The following DNAH9 variants were observed in gnomAD, a reference collection of about 807,000 sequenced individuals.
DNAH9 encodes the protein dynein axonemal heavy chain 9, also known as DNAH9 variant protein.
DNAH9 carries 345 observed loss-of-function variants against 471.6 expected under a neutral mutation model. That is an observed-to-expected ratio of 0.73 (90% CI 0.67 to 0.80). DNAH9 has a LOEUF of 0.80. Among genes scored for constraint, DNAH9 ranks in the 30% least tolerant of loss-of-function variants. The pLI is 0.00. For synonymous variants in DNAH9, 2,093 were observed against 2,123.6 expected, an observed-to-expected ratio of 0.99 and a Z score of 0.40; for missense variants, 5,407 against 5,609.2, an observed-to-expected ratio of 0.96 and a Z score of 1.15.
intron 48 of DNAH9, among the ~76,000 whole-genome samples, chr17:11,823,422 CT>C (rs1234677541): frequency 3.9e-5 from 6 of 152,168 alleles, no homozygotes; most frequent in African/African-American, 1.4e-4. Flanking sequence ...TCGTTTTCCT[CT>C]CCAATTCACT....
intron 44 of DNAH9, among the ~76,000 whole-genome samples, chr17:11,808,957 G>A (rs111531065): frequency 4.5e-4 from 68 of 152,286 alleles, no homozygotes; most frequent in Non-Finnish European, 9.0e-4. Context: ...ATTTAAAGGG[G>A]AGCTATTTGG....
At chr17:11,648,000 C>T (rs2073427441) in intron 12 of DNAH9, among the ~76,000 whole-genome samples, 1 of 152,150 alleles carries the variant, frequency 6.6e-6, no homozygotes, top group South Asian at 2.1e-4. Flanking sequence ...GGTTGAGAAA[C>T]TGTTTTAGAT....
At chr17:11,698,834 A>G (rs2074539152) in intron 22 of DNAH9, among the ~76,000 whole-genome samples, 1 of 151,650 alleles carries the variant, frequency 6.6e-6, no homozygotes, top group Admixed American at 6.6e-5. Flanking sequence ...GAGGACCTCT[A>G]CTCCTCAGAT....
intron 28 of DNAH9, among the ~76,000 whole-genome samples, chr17:11,731,014 A>G (rs1597558945): frequency 6.6e-6 from 1 of 150,946 alleles, no homozygotes; most frequent in Non-Finnish European, 1.5e-5. Context: ...GGTAATGATG[A>G]TGGTGGTGAT....
In DNAH9 at chr17:11,929,962, G is replaced by T; in HGVS notation, c.11974G>T (p.Ala3992Ser). The change falls in exon 63 of 69, where the codon GCA becomes TCA. Residue 3992 changes from alanine (A) to serine (S), a missense_variant. Coordinates refer to ENST00000262442, the MANE Select transcript of DNAH9 (RefSeq NM_001372.4). ...SHPEFRVFMS[A>S]EPAPSPEGHI... ...CCCAGAGTTCAGGGTCTTCATGAGT[G>T]CAGAGCCAGCACCCTCCCCTGAGGG... is the stretch of plus-strand genomic sequence containing the variant. 1 of 1,614,030 alleles carries T rather than the reference G, an allele frequency of 6.2e-7. No homozygotes were observed. The highest frequency in any genetic ancestry group is 8.5e-7 in the Non-Finnish European group (1 of 1,179,976).
intron 17 of DNAH9, 36 bp from the exon 18 acceptor site, chr17:11,679,721 G>A (rs374699730): frequency 1.3e-5 from 19 of 1,440,852 alleles, no homozygotes; most frequent in African/African-American, 7.0e-5. Flanking sequence ...GAAGTAGAAC[G>A]AGAATGGTTC....
chr17:11,690,311 G>A lies in DNAH9; in HGVS notation c.4489G>A (p.Gly1497Ser), dbSNP rs373653930. 168 of 1,614,028 alleles carry A rather than the reference G, an allele frequency of 1.0e-4. No individual in the cohort carries two copies. Among genetic ancestry groups the A allele is most frequent in the Non-Finnish European group, 1.4e-4 (161 of 1,180,030 alleles). Reference protein sequence around the residue: ...YVAFFLEEVSGWQKKLSTVDA... With the variant: ...YVAFFLEEVSSWQKKLSTVDA... ...TGCTTTCTTCTTGGAGGAGGTGTCGGGCTGGCAGAAGAAGCTGTCCACAGT... is the reference window on the plus strand; with the variant it reads ...TGCTTTCTTCTTGGAGGAGGTGTCGAGCTGGCAGAAGAAGCTGTCCACAGT... Residue 1497 changes from glycine (G) to serine (S), a missense_variant, in exon 20 of 69, where the codon GGC (glycine) becomes AGC (serine). Physicochemically the swap from Gly to Ser is moderately conservative, Grantham distance 56 (BLOSUM62 0). This residue lies in a region of DNAH9 where 4,636 missense variants were observed against 4,900.3 expected (regional missense o/e 0.95). Coordinates refer to ENST00000262442, the MANE Select transcript of DNAH9 (RefSeq NM_001372.4).
intron 28 of DNAH9, among the ~76,000 whole-genome samples, chr17:11,728,712 G>C (rs2075201969): frequency 1.3e-5 from 2 of 152,094 alleles, no homozygotes; most frequent in South Asian, 4.1e-4. Context: ...GTGAAGGGGG[G>C]GAACGTTTGA....
At chr17:11,890,012 A>G (rs923941364) in intron 57 of DNAH9, among the ~76,000 whole-genome samples, 2 of 152,248 alleles carry the variant, frequency 1.3e-5, no homozygotes, top group Non-Finnish European at 1.5e-5. Context: ...AAAGAAAAAG[A>G]GAGCAAAATT....
At chr17:11,695,608 A>G (rs1464896605) in intron 22 of DNAH9, among the ~76,000 whole-genome samples, 1 of 152,236 alleles carries the variant, frequency 6.6e-6, no homozygotes, top group African/African-American at 2.4e-5. Flanking sequence ...TATTAAAGTA[A>G]CTAATTGAAG....
At chr17:11,949,562 A>G (rs974662228) in intron 67 of DNAH9, among the ~76,000 whole-genome samples, 1 of 151,464 alleles carries the variant, frequency 6.6e-6, no homozygotes, top group African/African-American at 2.4e-5. Context: ...GCTCACCGCA[A>G]CCTCTACTTC....
At chr17:11,678,884 A>G (rs1266006895) in intron 17 of DNAH9, among the ~76,000 whole-genome samples, 1 of 151,892 alleles carries the variant, frequency 6.6e-6, no homozygotes, top group Admixed American at 6.6e-5. Context: ...TGATGTTTTC[A>G]TTGTCTCCTG....
intron 68 of DNAH9, among the ~76,000 whole-genome samples, chr17:11,966,780 G>A (rs1976761505): frequency 6.6e-6 from 1 of 151,848 alleles, no homozygotes; most frequent in Non-Finnish European, 1.5e-5. Context: ...CTGGAATTAG[G>A]CTGGGCACAG....
chr17:11,617,919 G>A (rs1417495453), intron 5 of DNAH9, among the ~76,000 whole-genome samples: 1 of 152,184 alleles, frequency 6.6e-6, no homozygotes, highest in African/African-American at 2.4e-5. Flanking sequence ...CTGGTAATGA[G>A]TCAGCAGCAA....
chr17:11,940,574 C>T (rs1401994917), intron 66 of DNAH9, among the ~76,000 whole-genome samples: 12 of 152,210 alleles, frequency 7.9e-5, no homozygotes, highest in African/African-American at 2.7e-4. Flanking sequence ...AAGACCCATT[C>T]GTGACAGAGT....
chr17:11,822,499 C>G lies in DNAH9; in HGVS notation c.8912C>G (p.Ala2971Gly). 1 of 1,614,194 alleles carries G rather than the reference C, an allele frequency of 6.2e-7. No individual in the cohort carries two copies. Among genetic ancestry groups the G allele is most frequent in the Non-Finnish European group, 8.5e-7 (1 of 1,180,032 alleles). Residue 2971 changes from alanine to glycine, a missense_variant, in exon 47 of 69, where the codon GCC becomes GGC. Ala to Gly is a moderately conservative substitution (Grantham distance 60, BLOSUM62 0). Transcript: ENST00000262442. ...AGAGTCCGCAGCAGGAAGTTCCCAG[C>G]CATTGTGAACTGCACAGCCATCCAC... ...KLRVRSRKFP[A>G]IVNCTAIHWF...
intron 49 of DNAH9, among the ~76,000 whole-genome samples, chr17:11,847,912 C>T (rs1285549404): frequency 6.6e-6 from 1 of 152,072 alleles, no homozygotes; most frequent in African/African-American, 2.4e-5. Context: ...TTTCTTCGGC[C>T]TCCACCTGCC....
At chr17:11,875,586 G>GC (rs1032403613) in intron 53 of DNAH9, 27 of 165,524 alleles carry the variant, frequency 1.6e-4, no homozygotes, top group Non-Finnish European at 2.9e-4. Context: ...TTCTACCTCT[G>GC]CCCTAGAGCC....
In DNAH9 at chr17:11,942,452, G is replaced by A. The variant is rs762378056; in HGVS notation, c.12810G>A (p.Gln4270=). 5 of 1,614,048 alleles carry A rather than the reference G, an allele frequency of 3.1e-6. No homozygotes were observed. The South Asian group carries it at 5.5e-5, about 18-fold the overall frequency. ...GRMNILTREI[Q]RSLRELELGL... ...TGAATATCCTCACCAGAGAGATTCA[G>A]CGCTCACTGAGGGAGCTGGAGCTCG... Residue 4270 remains glutamine (Q), a synonymous_variant, in exon 67 of 69, where the codon CAG becomes CAA. Transcript: ENST00000262442.
Sources: gnomAD v4.1 joint callset for allele counts (sites outside exome capture counted in the v4.1 genomes callset) on GRCh38, gnomAD v4.1.1 for gene constraint, gnomAD v4.1.1 regional missense constraint, MANE v1.5 for transcripts, NCBI Gene and HGNC (gene_info 2026-07-23, HGNC 2026-07-21) for gene names.